Variants in EML4 observed in about 807,000 individuals in gnomAD.
EML4 encodes EMAP like 4.
Under a neutral mutation model 129.0 loss-of-function variants are expected in EML4, and 72 were observed. That is an observed-to-expected ratio of 0.56 (90% CI 0.46 to 0.68). The LOEUF (loss-of-function observed/expected upper bound fraction) is 0.68, where lower values mean the gene tolerates loss of function less well. Among genes scored for constraint, EML4 ranks in the 30% least tolerant of loss-of-function variants. The probability of loss-of-function intolerance (pLI) is 0.00; values close to 1 mark genes in which losing one functional copy is unlikely to be tolerated. For synonymous variants in EML4, 532 were observed against 405.0 expected (o/e 1.31, Z -3.77); for missense variants, 1,363 against 1,190.6 (o/e 1.14, Z -2.13).
intron 11 of EML4, chr2:42,288,793 A>G (rs1413357704): frequency 6.6e-6 from 1 of 152,644 alleles, no homozygotes. Context: ...TATAATTGCT[A>G]TAATTGCATT....
intron 1 of EML4, among the ~76,000 whole-genome samples, chr2:42,188,182 C>T (rs967600011): frequency 2.6e-5 from 4 of 152,116 alleles, no homozygotes; most frequent in African/African-American, 9.7e-5. Context: ...TCTGTTATGT[C>T]AGTCTCTGTT....
Position 42,326,146 on chromosome 2 carries a change from ATT to A in EML4, c.2243-6_2243-5del. On this transcript the variant is annotated splice_region_variant and splice_polypyrimidine_tract_variant and intron_variant, in intron 20 of 22. Transcript: ENST00000318522. ...CTATGATTATACTTCCTGTTTCTAA[ATT>A]TAAAGGGGACATTCCAAATGGCTGC... 2.5e-6 allele frequency: 4 copies of A among 1,611,810 alleles called. No homozygotes were observed. The highest frequency in any genetic ancestry group is 3.4e-6 in the Non-Finnish European group (4 of 1,179,256).
At chr2:42,286,727 C>T (rs1053732651) in intron 10 of EML4, among the ~76,000 whole-genome samples, 1 of 152,156 alleles carries the variant, frequency 6.6e-6, no homozygotes, top group Non-Finnish European at 1.5e-5. Context: ...TACCTTGAAT[C>T]ATAGAAAAGA....
At chr2:42,233,596 C>T (rs925378483) in intron 1 of EML4, among the ~76,000 whole-genome samples, 9 of 151,978 alleles carry the variant, frequency 5.9e-5, no homozygotes, top group Non-Finnish European at 8.8e-5. Flanking sequence ...CTTGAGCCAC[C>T]GCACCCAGCC....
At chr2:42,259,937 A>G (rs1202122712) in intron 3 of EML4, among the ~76,000 whole-genome samples, 1 of 151,462 alleles carries the variant, frequency 6.6e-6, no homozygotes, top group Non-Finnish European at 1.5e-5. Context: ...TCACCATGTT[A>G]GGCAGGATGG....
chr2:42,277,568 AC>A (rs1666725331), intron 6 of EML4, among the ~76,000 whole-genome samples: 1 of 135,384 alleles, frequency 7.4e-6, no homozygotes, highest in Non-Finnish European at 1.6e-5. Flanking sequence ...AACAAGCACA[AC>A]CTTTTTTTTT....
chr2:42,194,497 A>G (rs144396239), intron 1 of EML4, among the ~76,000 whole-genome samples: 22 of 150,716 alleles, frequency 1.5e-4, no homozygotes, highest in African/African-American at 4.9e-4. Flanking sequence ...ATTGAGTAGG[A>G]CTTTTTAATT....
chr2:42,278,843 G>T (rs1294068633), intron 6 of EML4, among the ~76,000 whole-genome samples: 4 of 152,088 alleles, frequency 2.6e-5, no homozygotes, highest in African/African-American at 9.7e-5. Flanking sequence ...GGCTGAGGCA[G>T]GAGAATCACT....
chr2:42,294,032 G>A (rs1369110837), intron 11 of EML4, among the ~76,000 whole-genome samples: 1 of 152,232 alleles, frequency 6.6e-6, no homozygotes, highest in African/African-American at 2.4e-5. Context: ...TTACAGGCAT[G>A]TAGTTAAGTT....
intron 2 of EML4, among the ~76,000 whole-genome samples, chr2:42,256,053 A>G (rs557201408): frequency 7.9e-5 from 12 of 152,350 alleles, no homozygotes; most frequent in Non-Finnish European, 1.3e-4. Flanking sequence ...AGGAGAGGTT[A>G]ACTTTATATA....
At chr2:42,300,330 A>G (rs922988649) in intron 13 of EML4, among the ~76,000 whole-genome samples, 3 of 152,246 alleles carry the variant, frequency 2.0e-5, no homozygotes, top group Admixed American at 6.5e-5. Context: ...TAAGGCATTT[A>G]TGAATACCAA....
chr2:42,225,229 A>G (rs1420445686), intron 1 of EML4, among the ~76,000 whole-genome samples: 1 of 152,076 alleles, frequency 6.6e-6, no homozygotes, highest in Non-Finnish European at 1.5e-5. Context: ...GGTGTATAAA[A>G]GTATCTGAGT....
chr2:42,242,761 T>C (rs1156415075), intron 1 of EML4, among the ~76,000 whole-genome samples: 2 of 151,710 alleles, frequency 1.3e-5, no homozygotes, highest in Non-Finnish European at 2.9e-5. Flanking sequence ...TCTTTTTTTC[T>C]CTTTTCTTTT....
chr2:42,252,520 C>G (rs58696302), intron 2 of EML4, among the ~76,000 whole-genome samples: 2 of 152,266 alleles, frequency 1.3e-5, no homozygotes, highest in African/African-American at 4.8e-5. Context: ...GCTTAAAACC[C>G]TTTAGTGGTT....
chr2:42,231,336 A>G (rs1265605235), intron 1 of EML4, among the ~76,000 whole-genome samples: 2 of 152,140 alleles, frequency 1.3e-5, no homozygotes, highest in Non-Finnish European at 2.9e-5. Context: ...CAAGTCATCA[A>G]TTCTCACAAC....
At chr2:42,201,261 C>A (rs189119361) in intron 1 of EML4, among the ~76,000 whole-genome samples, 1 of 152,102 alleles carries the variant, frequency 6.6e-6, no homozygotes. Context: ...GTTTGATGTA[C>A]TTTATGTGTA....
chr2:42,325,605 TATATATATA>T (rs1558614859), intron 20 of EML4, 51 bp downstream of exon 20: 7 of 22,018 alleles, frequency 3.2e-4, no homozygotes, highest in African/African-American at 1.2e-3. Flanking sequence ...ATTATATTTA[TATATATATA>T]TATATATATA....
intron 6 of EML4, among the ~76,000 whole-genome samples, chr2:42,272,281 G>C (rs898794386): frequency 1.3e-5 from 2 of 151,978 alleles, no homozygotes; most frequent in Non-Finnish European, 2.9e-5. Context: ...CCTGTGCCAC[G>C]TCCCTGAACT....
chr2:42,293,265 C>T (rs569498281), intron 11 of EML4, among the ~76,000 whole-genome samples: 2 of 152,162 alleles, frequency 1.3e-5, no homozygotes, highest in South Asian at 2.1e-4. Context: ...CGCACCGCCA[C>T]GCCGGCTAAT....
Sources: allele counts gnomAD v4.1 joint callset (sites outside exome capture counted in the v4.1 genomes callset), GRCh38; gene constraint gnomAD v4.1.1; transcripts MANE v1.5; gene names NCBI Gene and HGNC (gene_info 2026-07-23, HGNC 2026-07-21).